TSPEAR: variants seen among roughly 807,000 people sequenced by gnomAD.
TSPEAR encodes the protein thrombospondin type laminin G domain and EAR repeats, also known as thrombospondin-type laminin G domain and EAR repeat-containing protein.
In TSPEAR, 69 loss-of-function variants were observed where a neutral mutation model predicts 71.6. The observed-to-expected ratio is 0.96, with a 90% CI of 0.79 to 1.18. The LOEUF (loss-of-function observed/expected upper bound fraction) is 1.18. Among genes scored for constraint, TSPEAR ranks in the 50% most tolerant of loss-of-function variants. The pLI, the probability that TSPEAR is intolerant of heterozygous loss-of-function variation, is 0.00. For missense variants in TSPEAR, 971 were observed against 894.9 expected, an observed-to-expected ratio of 1.09 and a Z score of -1.09; for synonymous variants, 402 against 387.2, an observed-to-expected ratio of 1.04 and a Z score of -0.45.
chr21:44,666,898 G>C, intron 1 of TSPEAR: 1 of 1,611,978 alleles, frequency 6.2e-7, no homozygotes, highest in Non-Finnish European at 8.5e-7. Flanking sequence ...GTGGCGTGTG[G>C]CTGGATAAGG....
chr21:44,665,471 T>G (rs936607431), intron 1 of TSPEAR, among the ~76,000 whole-genome samples: 1 of 152,258 alleles, frequency 6.6e-6, no homozygotes, highest in Non-Finnish European at 1.5e-5. Context: ...CAACGCAGAC[T>G]GGGAAAAGCA....
At chr21:44,690,349 G>A (rs1163676805) in intron 1 of TSPEAR, among the ~76,000 whole-genome samples, 2 of 152,184 alleles carry the variant, frequency 1.3e-5, no homozygotes, top group African/African-American at 2.4e-5. Flanking sequence ...AAAGAACCAA[G>A]TGATGCCAAG....
chr21:44,702,162 G>A (rs1329154001), intron 1 of TSPEAR: 3 of 1,403,462 alleles, frequency 2.1e-6, no homozygotes, highest in African/African-American at 1.4e-5. Flanking sequence ...AAGCGATGGA[G>A]CAGAGACCAC....
At chr21:44,613,977 G>A (rs1981900532) in intron 1 of TSPEAR, among the ~76,000 whole-genome samples, 1 of 152,118 alleles carries the variant, frequency 6.6e-6, no homozygotes, top group African/African-American at 2.4e-5. Flanking sequence ...CTCCAGCTCA[G>A]GCCTCTCCTC....
At chr21:44,515,043 A>AC (rs1410301216) in intron 9 of TSPEAR, among the ~76,000 whole-genome samples, 6 of 151,876 alleles carry the variant, frequency 4.0e-5, no homozygotes, top group Non-Finnish European at 5.9e-5. Context: ...ACCCCCGCAG[A>AC]CCCCTCCAGA....
chr21:44,597,432 C>A (rs1447097440), intron 1 of TSPEAR, among the ~76,000 whole-genome samples: 1 of 130,620 alleles, frequency 7.7e-6, no homozygotes, highest in Non-Finnish European at 1.6e-5. Flanking sequence ...TTCTTTCTTT[C>A]TTTTCTTTTT....
intron 1 of TSPEAR, chr21:44,600,655 G>C: frequency 1.2e-6 from 2 of 1,613,736 alleles, no homozygotes; most frequent in Non-Finnish European, 1.7e-6. Context: ...CTGCTCCAGC[G>C]ACCTGAGCTA....
chr21:44,573,607 A>G, intron 1 of TSPEAR: 1 of 1,339,150 alleles, frequency 7.5e-7, no homozygotes, highest in Non-Finnish European at 1.0e-6. Flanking sequence ...TGTACACCCC[A>G]ACAAGGAAGG....
At chr21:44,591,501 G>A in intron 1 of TSPEAR, 1 of 1,614,034 alleles carries the variant, frequency 6.2e-7, no homozygotes, top group Non-Finnish European at 8.5e-7. Flanking sequence ...GCTGGCAGGA[G>A]GAGGCAGAGG....
intron 1 of TSPEAR, among the ~76,000 whole-genome samples, chr21:44,639,758 C>T (rs1421363879): frequency 6.6e-6 from 1 of 152,158 alleles, no homozygotes; most frequent in African/African-American, 2.4e-5. Context: ...AACAGAGAGC[C>T]AGGAGGAGGG....
Position 44,623,518 on chromosome 21 carries a change from T to C in TSPEAR, c.83-55513A>G, listed in dbSNP as rs782008395. 5.3e-5 allele frequency among the ~76,000 whole-genome samples: 8 copies of C among 152,238 alleles called. No individual in the cohort carries two copies. The highest frequency in any genetic ancestry group is 1.0e-4 in the Non-Finnish European group (7 of 68,040). The stretch of plus-strand genomic sequence containing the variant: ...ATTTCCCCATGTTGTCCTCCTTTTG[T>C]TACACTTCATTTCCTTTTCGACTTC... On this transcript the variant is annotated intron_variant, in intron 1 of 11. Coordinates refer to ENST00000323084, the MANE Select transcript of TSPEAR (RefSeq NM_144991.3). This position sits in a 1 kb window ranked among gnomAD's most constrained non-coding sequence, Gnocchi z 4.5.
In TSPEAR at chr21:44,623,922, A is replaced by G. The variant is rs1020175897; in HGVS notation, c.83-55917T>C. 7.2e-5 allele frequency among the ~76,000 whole-genome samples: 11 copies of G among 152,200 alleles called. No individual in the cohort carries two copies. Among genetic ancestry groups the G allele is most frequent in the Admixed American group, 2.0e-4 (3 of 15,276 alleles). On this transcript the variant is annotated intron_variant, in intron 1 of 11. Transcript: ENST00000323084. The surrounding 1 kb of genome is among the most constrained non-coding windows in gnomAD (Gnocchi z 4.5). The stretch of plus-strand genomic sequence containing the variant: ...TATTCACCTTGCTAAACATTCTTAA[A>G]TGCTTTTTGCATCTATGGGTTAATG...
intron 1 of TSPEAR, chr21:44,637,357 A>G: frequency 4.5e-6 from 7 of 1,562,694 alleles, no homozygotes; most frequent in Non-Finnish European, 6.1e-6. Flanking sequence ...TCACACACAC[A>G]CTCACTCACA....
intron 1 of TSPEAR, chr21:44,574,771 C>T (rs1978322753): frequency 6.2e-7 from 1 of 1,614,002 alleles, no homozygotes; most frequent in Non-Finnish European, 8.5e-7. Context: ...GCTTCCTCTT[C>T]ATGCTGCCAG....
chr21:44,518,046 T>C (rs2052637623), intron 9 of TSPEAR, among the ~76,000 whole-genome samples: 2 of 152,266 alleles, frequency 1.3e-5, no homozygotes, highest in Non-Finnish European at 2.9e-5. Context: ...CTTAACTTTA[T>C]ATTTCAGTCA....
Position 44,623,466 on chromosome 21 carries a change from C to T in TSPEAR, c.83-55461G>A, listed in dbSNP as rs1982577545. 6.6e-6 allele frequency among the ~76,000 whole-genome samples: 1 copy of T among 152,236 alleles called. No individual in the cohort carries two copies. Among genetic ancestry groups the T allele is most frequent in the African/African-American group, 2.4e-5 (1 of 41,456 alleles). ...TATAAATATTTTACAACTTCTAAGA[C>T]ATCTTATACAGTAAATATTCATTTA... is the stretch of plus-strand genomic sequence containing the variant. On this transcript the variant is annotated intron_variant, in intron 1 of 11. Coordinates refer to ENST00000323084, the MANE Select transcript of TSPEAR (RefSeq NM_144991.3). This position sits in a 1 kb window ranked among gnomAD's most constrained non-coding sequence, Gnocchi z 4.5.
At chr21:44,678,905 G>GC (rs1555947482) in intron 1 of TSPEAR, among the ~76,000 whole-genome samples, 2 of 152,198 alleles carry the variant, frequency 1.3e-5, no homozygotes, top group African/African-American at 4.8e-5. Context: ...ATGCTAATCT[G>GC]CCATATGGAC....
At chr21:44,565,384 C>G (rs926579777) in intron 2 of TSPEAR, among the ~76,000 whole-genome samples, 1 of 152,114 alleles carries the variant, frequency 6.6e-6, no homozygotes, top group Admixed American at 6.5e-5. Context: ...TAGTCTCATA[C>G]CATAATCACA....
chr21:44,549,350 C>T (rs1172505429), intron 2 of TSPEAR, among the ~76,000 whole-genome samples: 3 of 152,136 alleles, frequency 2.0e-5, no homozygotes, highest in African/African-American at 7.2e-5. Context: ...GAAACCTTGC[C>T]ATATCTCACA....
Sources: allele counts gnomAD v4.1 joint callset (sites outside exome capture counted in the v4.1 genomes callset), GRCh38; gene constraint gnomAD v4.1.1; non-coding constraint Gnocchi (gnomAD v3.1); transcripts MANE v1.5; gene names NCBI Gene and HGNC (gene_info 2026-07-23, HGNC 2026-07-21).